VPS13D: variants seen among roughly 807,000 people sequenced by gnomAD.
VPS13D encodes intermembrane lipid transfer protein VPS13D.
In VPS13D, 187 loss-of-function variants were observed where a neutral mutation model predicts 461.9. That is an observed-to-expected ratio of 0.40 (90% CI 0.36 to 0.46). The LOEUF (loss-of-function observed/expected upper bound fraction) is 0.46, where lower values mean the gene tolerates loss of function less well. VPS13D is among the 20% of genes least tolerant of loss of function. The pLI, the probability that VPS13D is intolerant of heterozygous loss-of-function variation, is 0.60. For missense variants in VPS13D, 4,711 were observed against 5,364.9 expected, an observed-to-expected ratio of 0.88 and a Z score of 3.81; for synonymous variants, 1,951 against 1,986.3, an observed-to-expected ratio of 0.98 and a Z score of 0.47.
chr1:12,329,705 G>T, intron 36 of VPS13D, 124 bp from the exon 37 acceptor site: 2 of 657,816 alleles, frequency 3.0e-6, no homozygotes, highest in Non-Finnish European at 5.3e-6. Context: ...GATGAACAAA[G>T]TATCAGAATG....
In VPS13D at chr1:12,314,001, C is replaced by A. The variant is rs1642825758; in HGVS notation, c.6936-114C>A. The A allele has an allele frequency of 3.6e-6, 3 of 840,774 alleles. No homozygotes were observed. In the African/African-American group the frequency reaches 5.1e-5, roughly 14 times the overall value. 52.1% of individuals were successfully genotyped at this position (840,774 alleles called of 1,614,324 possible). A position where few individuals can be genotyped will look rare whatever the true frequency, so the allele number is the denominator to read the frequency against. On this transcript the variant is annotated intron_variant, in intron 29 of 69. Transcript: ENST00000620676. ...GAAAACTCAGAATGAAAGTTATTCTCCTTATGGGACTTAGATATATTTTTG... is the reference window on the plus strand; with the variant it reads ...GAAAACTCAGAATGAAAGTTATTCTACTTATGGGACTTAGATATATTTTTG...
At chr1:12,351,056 T>C (rs1260648671) in intron 46 of VPS13D, among the ~76,000 whole-genome samples, 3 of 152,218 alleles carry the variant, frequency 2.0e-5, no homozygotes, top group Admixed American at 1.3e-4. Context: ...AAAGCCTTTG[T>C]CCACAAAGAA....
intron 18 of VPS13D, among the ~76,000 whole-genome samples, chr1:12,275,059 A>C (rs1641567664): frequency 1.3e-5 from 2 of 152,088 alleles, no homozygotes; most frequent in African/African-American, 4.8e-5. Flanking sequence ...TGTCTACTAA[A>C]AGTACAAAAA....
intron 21 of VPS13D, 145 bp from the exon 22 acceptor site, chr1:12,288,078 G>A: frequency 1.5e-6 from 1 of 659,036 alleles, no homozygotes; most frequent in Non-Finnish European, 2.6e-6. Flanking sequence ...GCTTAAGAAA[G>A]CTGAAGTGAA....
intron 66 of VPS13D, among the ~76,000 whole-genome samples, chr1:12,456,638 A>T (rs1040045392): frequency 3.6e-4 from 1 of 2,764 alleles, no homozygotes; most frequent in Non-Finnish European, 1.0e-3. Context: ...CTCCAATTCA[A>T]AAAAAAAAAA....
At chr1:12,271,956 C>T (rs554712847) in intron 17 of VPS13D, among the ~76,000 whole-genome samples, 107 of 152,008 alleles carry the variant, frequency 7.0e-4, no homozygotes, top group African/African-American at 2.2e-3. Context: ...CTGGGGGAAG[C>T]GGAGGTGGGA....
intron 65 of VPS13D, among the ~76,000 whole-genome samples, chr1:12,432,146 C>T (rs1644999695): frequency 6.6e-6 from 1 of 152,094 alleles, no homozygotes; most frequent in Non-Finnish European, 1.5e-5. Flanking sequence ...GTAATCCCAG[C>T]ACTTTGGGAG....
intron 53 of VPS13D, among the ~76,000 whole-genome samples, 191 bp from the exon 54 acceptor site, chr1:12,369,276 G>A (rs1644084026): frequency 6.6e-6 from 1 of 151,968 alleles, no homozygotes; most frequent in Non-Finnish European, 1.5e-5. Context: ...TTTAATTGGT[G>A]AGTTTTTTTG....
intron 13 of VPS13D, among the ~76,000 whole-genome samples, chr1:12,266,364 A>C (rs1356845131): frequency 6.6e-6 from 1 of 152,214 alleles, no homozygotes; most frequent in East Asian, 1.9e-4. Flanking sequence ...TTGATGTAGC[A>C]AACTTCGTTG....
At position 12,509,319 on chromosome 1, in the gene VPS13D, A is replaced by T. The variant is rs1421339507; in HGVS notation, c.*295A>T. 2.9e-6 allele frequency: 1 copy of T among 339,372 alleles called. No individual in the cohort carries two copies. Among genetic ancestry groups the T allele is most frequent in the Non-Finnish European group, 5.4e-6 (1 of 184,598 alleles). The allele number at this position is 339,372 out of a possible 1,614,324, so 21.0% of individuals were successfully genotyped here. ...TTAGATTGCCCTGTATTTTGTTAAC[A>T]TGTATATATGTACAACAGTGTGTTT... On this transcript the variant is annotated 3_prime_UTR_variant, in exon 70 of 70. Coordinates refer to ENST00000620676, the MANE Select transcript of VPS13D (RefSeq NM_015378.4).
At chr1:12,412,539 T>A (rs1644742850) in intron 63 of VPS13D, among the ~76,000 whole-genome samples, 1 of 152,228 alleles carries the variant, frequency 6.6e-6, no homozygotes. Flanking sequence ...TATGCCATAC[T>A]GCGGTAGTGG....
At position 12,510,412 on chromosome 1, in the gene VPS13D, A is replaced by T. The variant is rs1646166342; in HGVS notation, c.*1388A>T. 6.6e-6 allele frequency: 1 copy of T among 152,190 alleles called. No homozygotes were observed. The highest frequency in any genetic ancestry group is 6.5e-5 in the Admixed American group (1 of 15,276). 9.4% of individuals were successfully genotyped at this position (152,190 alleles called of 1,614,324 possible). ...CTGGGATGACTCAGTGGATCAGTGG[A>T]TGCGTGGAAGGTTTTGGTGTTTATA... On this transcript the variant is annotated 3_prime_UTR_variant, in exon 70 of 70. Transcript: ENST00000620676.
At chr1:12,377,379 A>G (rs1406142306) in intron 55 of VPS13D, among the ~76,000 whole-genome samples, 1 of 151,886 alleles carries the variant, frequency 6.6e-6, no homozygotes, top group African/African-American at 2.4e-5. Context: ...TGTTTTATGT[A>G]AGTCTTATGG....
chr1:12,327,790 G>C lies in VPS13D; in HGVS notation c.8133G>C (p.Val2711=). 6.2e-7 allele frequency: 1 copy of C among 1,614,132 alleles called. No individual in the cohort carries two copies. Among genetic ancestry groups the C allele is most frequent in the Non-Finnish European group, 8.5e-7 (1 of 1,180,018 alleles). Residue 2711 remains valine (V), a synonymous_variant, in exon 36 of 70, where the codon GTG becomes GTC. Transcript: ENST00000620676. ...GCGTGGAGATCAAAGCTGAGAGTGT[G>C]TGCATCTGTTTCATCGATGACTGCA... ...ISGVEIKAES[V]CICFIDDCMD... is the part of the protein sequence containing the mutation.
Position 12,277,092 on chromosome 1 carries a change from G to A in VPS13D, c.3504G>A (p.Val1168=). The A allele has an allele frequency of 6.2e-7, 1 of 1,614,130 alleles. No homozygotes were observed. The highest frequency in any genetic ancestry group is 8.5e-7 in the Non-Finnish European group (1 of 1,180,026). ...STYEQNTEVA[V]EIHRLNLLLL... The stretch of plus-strand genomic sequence containing the variant: ...ATGAACAAAACACTGAGGTTGCAGT[G>A]GAAATCCATAGGCTGAACTTACTGC... Residue 1168 remains valine (V), a synonymous_variant, in exon 19 of 70, where the codon GTG becomes GTA. Transcript: ENST00000620676.
intron 65 of VPS13D, among the ~76,000 whole-genome samples, chr1:12,421,922 AG>A (rs1212689458): frequency 5.3e-5 from 8 of 152,072 alleles, no homozygotes; most frequent in African/African-American, 1.4e-4. Flanking sequence ...CCTGGGTTCA[AG>A]CGATCCTCCC....
At chr1:12,303,082 C>T (rs1467787205) in intron 25 of VPS13D, among the ~76,000 whole-genome samples, 4 of 152,184 alleles carry the variant, frequency 2.6e-5, no homozygotes, top group Non-Finnish European at 4.4e-5. Context: ...TTACCTTCTT[C>T]ACCAGCCATC....
intron 65 of VPS13D, among the ~76,000 whole-genome samples, chr1:12,432,623 T>G (rs1645007107): frequency 6.6e-6 from 1 of 151,746 alleles, no homozygotes; most frequent in Non-Finnish European, 1.5e-5. Flanking sequence ...TTTTTTTTTT[T>G]TTAAGACAGT....
At chr1:12,246,407 C>G (rs146591051) in intron 5 of VPS13D, among the ~76,000 whole-genome samples, 1 of 152,224 alleles carries the variant, frequency 6.6e-6, no homozygotes, top group East Asian at 1.9e-4. Context: ...ACATGATACT[C>G]AAAGGAAATG....
Sources: allele counts gnomAD v4.1 joint callset (sites outside exome capture counted in the v4.1 genomes callset), GRCh38; gene constraint gnomAD v4.1.1; transcripts MANE v1.5; gene names NCBI Gene and HGNC (gene_info 2026-07-23, HGNC 2026-07-21).